AP3M1: variants seen among roughly 807,000 people sequenced by gnomAD.
The protein encoded by AP3M1 is AP-3 complex subunit mu-1.
A neutral mutation model predicts 42.6 loss-of-function variants in AP3M1; 29 were observed. The ratio of observed to expected loss-of-function variants is 0.68; its 90% CI spans 0.51 to 0.93. The LOEUF (loss-of-function observed/expected upper bound fraction) is 0.93. AP3M1 is among the 40% of genes least tolerant of loss of function. The probability of loss-of-function intolerance (pLI) is 0.00; values close to 1 mark genes in which losing one functional copy is unlikely to be tolerated. For missense variants in AP3M1, 416 were observed against 510.2 expected (o/e 0.82, Z 1.78); for synonymous variants, 178 against 175.3 (o/e 1.02, Z -0.12).
intron 1 of AP3M1, among the ~76,000 whole-genome samples, chr10:74,142,261 A>C (rs751930535): frequency 6.6e-6 from 1 of 152,226 alleles, no homozygotes; most frequent in Non-Finnish European, 1.5e-5. Context: ...AATCATTCCA[A>C]GTAATAGTAC....
In AP3M1 at chr10:74,138,203, G is replaced by A; in HGVS notation, c.177C>T (p.Ile59=). 3.1e-6 allele frequency: 5 copies of A among 1,614,162 alleles called. No homozygotes were observed. The highest frequency in any genetic ancestry group is 4.2e-6 in the Non-Finnish European group (5 of 1,180,018). The change falls in exon 2 of 9, where the codon ATC becomes ATT. Residue 59 remains isoleucine, a synonymous_variant. Transcript: ENST00000355264. Reference sequence around the variant, plus strand: ...ATACAAAGAAGAGCTTATCCCGGTAGATACTGATGAGGTAGTGGTGAGGTG... The same window carrying A: ...ATACAAAGAAGAGCTTATCCCGGTAAATACTGATGAGGTAGTGGTGAGGTG... ...ISTPHHYLIS[I]YRDKLFFVSV...
intron 4 of AP3M1, 99 bp downstream of exon 4, chr10:74,133,928 C>G: frequency 1.4e-6 from 2 of 1,463,666 alleles, no homozygotes; most frequent in Non-Finnish European, 1.9e-6. Context: ...GCTGGGATTA[C>G]AGGCGTGAGC....
Position 74,129,953 on chromosome 10 carries a change from G to A in AP3M1, c.623C>T (p.Ala208Val), listed in dbSNP as rs762420699. The change falls in exon 5 of 9, where the codon GCT (alanine) becomes GTT (valine). Residue 208 changes from alanine to valine, a missense_variant. Coordinates refer to ENST00000355264, the MANE Select transcript of AP3M1 (RefSeq NM_012095.6). ...AGGCATTCCAGATAGTTTAATGCAA[G>A]CATCAATGACCCCCTGAATTTCTGC... ...VFAEIQGVID[A>V]CIKLSGMPDL... The A allele has an allele frequency of 3.1e-6, 5 of 1,613,318 alleles. No homozygotes were observed. Among genetic ancestry groups the A allele is most frequent in the Non-Finnish European group, 4.2e-6 (5 of 1,179,760 alleles).
At chr10:74,135,526 A>G (rs1013267345) in intron 3 of AP3M1, among the ~76,000 whole-genome samples, 1 of 152,248 alleles carries the variant, frequency 6.6e-6, no homozygotes, top group Admixed American at 6.5e-5. Context: ...GGAAAATTAG[A>G]AAGTATAAAG....
At chr10:74,126,885 C>T (rs577377009) in intron 6 of AP3M1, among the ~76,000 whole-genome samples, 5 of 135,146 alleles carry the variant, frequency 3.7e-5, no homozygotes, top group Non-Finnish European at 6.1e-5. Context: ...GCAGGAGAAT[C>T]GCTTGAACCT....
intron 1 of AP3M1, among the ~76,000 whole-genome samples, chr10:74,142,038 C>A (rs1000695938): frequency 8.6e-5 from 13 of 151,996 alleles, no homozygotes; most frequent in Non-Finnish European, 1.3e-4. Context: ...TATTTCTTGA[C>A]CTGCATGATG....
intron 4 of AP3M1, among the ~76,000 whole-genome samples, chr10:74,132,677 A>G (rs1240390506): frequency 6.6e-6 from 1 of 151,602 alleles, no homozygotes; most frequent in African/African-American, 2.4e-5. Context: ...GCGCCAATGC[A>G]CTCCAGCCTA....
At chr10:74,137,141 G>T (rs1402356983) in intron 2 of AP3M1, among the ~76,000 whole-genome samples, 1 of 152,186 alleles carries the variant, frequency 6.6e-6, no homozygotes, top group African/African-American at 2.4e-5. Flanking sequence ...TTGGGAGGCT[G>T]AGGCGGGAGG....
intron 6 of AP3M1, chr10:74,128,897 G>A (rs1840694585): frequency 2.0e-6 from 1 of 489,100 alleles, no homozygotes; most frequent in African/African-American, 2.0e-5. Context: ...TTTTACTCTA[G>A]TCTCACTTAG....
intron 1 of AP3M1, among the ~76,000 whole-genome samples, chr10:74,144,445 G>GTT (rs1841267521): frequency 6.6e-6 from 1 of 151,716 alleles, no homozygotes; most frequent in Non-Finnish European, 1.5e-5. Flanking sequence ...TCAAATTTTT[G>GTT]TTTTGTAGAG....
At chr10:74,135,351 T>C (rs1840911244) in intron 3 of AP3M1, among the ~76,000 whole-genome samples, 1 of 152,192 alleles carries the variant, frequency 6.6e-6, no homozygotes, top group South Asian at 2.1e-4. Flanking sequence ...ACTTCCTGAA[T>C]TCTACTGATT....
At chr10:74,136,496 T>C in intron 3 of AP3M1, 136 bp downstream of exon 3, 1 of 563,128 alleles carries the variant, frequency 1.8e-6, no homozygotes, top group Non-Finnish European at 2.7e-6. Context: ...ATATAGTACA[T>C]CCATTTTAAC....
intron 4 of AP3M1, among the ~76,000 whole-genome samples, chr10:74,130,541 A>G (rs1840750433): frequency 6.6e-6 from 1 of 151,774 alleles, no homozygotes; most frequent in Non-Finnish European, 1.5e-5. Context: ...CCTGGGCTCA[A>G]GCAATCCTCC....
intron 3 of AP3M1, among the ~76,000 whole-genome samples, chr10:74,135,468 T>C (rs1840914681): frequency 6.6e-6 from 1 of 152,216 alleles, no homozygotes; most frequent in Non-Finnish European, 1.5e-5. Flanking sequence ...TGTTTTGCAT[T>C]ATATATTTTA....
chr10:74,136,803 C>A lies in AP3M1; in HGVS notation c.274G>T (p.Asp92Tyr). The change falls in exon 3 of 9, where the codon GAC becomes TAC. Residue 92 changes from aspartate to tyrosine, a missense_variant and splice_region_variant. Transcript: ENST00000355264. ...GCCTCTGAACACTCACCAAAGTAGT[C>A]CTGACAAAATACACACAAAATATCA... ...FLHRVADTFQ[D>Y]YFGECSEAAI... is the part of the protein sequence containing the mutation. 1 of 1,483,582 alleles carries A rather than the reference C, an allele frequency of 6.7e-7. No homozygotes were observed. The highest frequency in any genetic ancestry group is 1.4e-5 in the South Asian group (1 of 72,008). The allele number at this position is 1,483,582 out of a possible 1,614,324, so 91.9% of individuals were successfully genotyped here. A position where few individuals can be genotyped will look rare whatever the true frequency, so the allele number is the denominator to read the frequency against.
rs1185024968 is a variant in AP3M1, at chr10:74,122,056, G to C, written c.*1754C>G. On this transcript the variant is annotated 3_prime_UTR_variant, in exon 9 of 9. Coordinates refer to ENST00000355264, the MANE Select transcript of AP3M1 (RefSeq NM_012095.6). ...TCTTTTGAGGTACGAACTCTGAAGA[G>C]TCAAGACATTAAAAATAAAAAGCAA... The C allele has an allele frequency of 2.6e-5, 4 of 152,168 alleles. No homozygotes were observed. The highest frequency in any genetic ancestry group is 5.9e-5 in the Non-Finnish European group (4 of 68,030). The allele number at this position is 152,168 out of a possible 1,614,324, so 9.4% of individuals were successfully genotyped here.
At chr10:74,141,197 T>C (rs1841137772) in intron 1 of AP3M1, among the ~76,000 whole-genome samples, 5 of 152,100 alleles carry the variant, frequency 3.3e-5, no homozygotes, top group Admixed American at 2.6e-4. Flanking sequence ...ACTGTAATCC[T>C]AGCACTCTGG....
intron 1 of AP3M1, among the ~76,000 whole-genome samples, chr10:74,146,405 A>G (rs943511184): frequency 2.0e-5 from 3 of 152,222 alleles, no homozygotes; most frequent in Admixed American, 2.0e-4. Context: ...CACTGCGGAA[A>G]CTGGATAATC....
At chr10:74,129,596 C>T (rs746767294) in intron 5 of AP3M1, among the ~76,000 whole-genome samples, 5 of 152,122 alleles carry the variant, frequency 3.3e-5, no homozygotes, top group Non-Finnish European at 4.4e-5. Context: ...TAAAATGATA[C>T]AAAAGACCAG....
Sources: gnomAD v4.1 joint callset for allele counts (sites outside exome capture counted in the v4.1 genomes callset) on GRCh38, gnomAD v4.1.1 for gene constraint, MANE v1.5 for transcripts, NCBI Gene and HGNC (gene_info 2026-07-23, HGNC 2026-07-21) for gene names.